MLLT3: variants seen among roughly 807,000 people sequenced by gnomAD.
The protein encoded by MLLT3 is protein AF-9.
In MLLT3, 4 loss-of-function variants were observed where a neutral mutation model predicts 53.2. That is an observed-to-expected ratio of 0.08 (90% CI 0.04 to 0.17). The LOEUF is 0.17. MLLT3 is among the 10% of genes least tolerant of loss of function. The pLI, the probability that MLLT3 is intolerant of heterozygous loss-of-function variation, is 1.00. For synonymous variants in MLLT3, 283 were observed against 230.6 expected, an observed-to-expected ratio of 1.23 and a Z score of -2.06; for missense variants, 569 against 684.0, an observed-to-expected ratio of 0.83 and a Z score of 1.87.
chr9:20,372,483 G>A (rs1224601583), intron 5 of MLLT3, among the ~76,000 whole-genome samples: 2 of 150,854 alleles, frequency 1.3e-5, no homozygotes, highest in Non-Finnish European at 2.9e-5. Flanking sequence ...CTGCAAGTTC[G>A]TTCACGCCAT....
chr9:20,505,098 G>A (rs370255079), intron 2 of MLLT3, among the ~76,000 whole-genome samples: 5 of 152,172 alleles, frequency 3.3e-5, no homozygotes, highest in African/African-American at 1.2e-4. Flanking sequence ...CCAGAACAGG[G>A]GGTGGTTGCT....
intron 5 of MLLT3, among the ~76,000 whole-genome samples, chr9:20,390,910 C>G (rs1431782403): frequency 6.6e-6 from 1 of 152,152 alleles, no homozygotes; most frequent in Non-Finnish European, 1.5e-5. Context: ...TCCAGGAGTT[C>G]AAGACTTGCC....
At chr9:20,444,190 T>A (rs1823630989) in intron 4 of MLLT3, among the ~76,000 whole-genome samples, 1 of 152,184 alleles carries the variant, frequency 6.6e-6, no homozygotes, top group African/African-American at 2.4e-5. Flanking sequence ...GAAAATTATC[T>A]GTCGTGATCA....
chr9:20,429,400 CAT>C (rs1294278103), intron 4 of MLLT3, among the ~76,000 whole-genome samples: 1 of 152,126 alleles, frequency 6.6e-6, no homozygotes. Flanking sequence ...GAAAAGGAAA[CAT>C]ATTTTATTTC....
intron 2 of MLLT3, among the ~76,000 whole-genome samples, chr9:20,496,383 C>T (rs2118930781): frequency 1.3e-5 from 2 of 152,190 alleles, no homozygotes; most frequent in South Asian, 4.2e-4. Flanking sequence ...TTGTAATCAG[C>T]CCTGTTTCTG....
chr9:20,528,265 T>TA (rs1818250753), intron 2 of MLLT3, among the ~76,000 whole-genome samples: 2 of 152,260 alleles, frequency 1.3e-5, no homozygotes, highest in Admixed American at 1.3e-4. Context: ...CACAAATACA[T>TA]AAAGCCATTC....
intron 1 of MLLT3, 180 bp downstream of exon 1, chr9:20,622,065 C>CGGGGGGGGGGG (rs71334542): frequency 1.7e-5 from 1 of 58,848 alleles, no homozygotes; most frequent in African/African-American, 7.6e-5. Context: ...GTGTGCGCGC[C>CGGGGGGGGGGG]GGGGGGGGGT....
At chr9:20,466,707 T>C (rs1292451681) in intron 2 of MLLT3, among the ~76,000 whole-genome samples, 1 of 152,232 alleles carries the variant, frequency 6.6e-6, no homozygotes, top group Admixed American at 6.5e-5. Flanking sequence ...GTATCTCTCA[T>C]GGTCTCTGAA....
At chr9:20,607,030 C>A (rs369528825) in intron 2 of MLLT3, among the ~76,000 whole-genome samples, 1 of 152,236 alleles carries the variant, frequency 6.6e-6, no homozygotes, top group South Asian at 2.1e-4. Flanking sequence ...TATGCTCCCA[C>A]TCCATATGCT....
intron 2 of MLLT3, among the ~76,000 whole-genome samples, chr9:20,543,188 C>T (rs1406972226): frequency 6.6e-6 from 1 of 152,198 alleles, no homozygotes; most frequent in Non-Finnish European, 1.5e-5. Context: ...TTCGACTGTT[C>T]ACTGAAGGAG....
intron 2 of MLLT3, among the ~76,000 whole-genome samples, chr9:20,576,119 T>C (rs1819646226): frequency 6.6e-6 from 1 of 152,228 alleles, no homozygotes; most frequent in Non-Finnish European, 1.5e-5. Context: ...GTTATGAAGA[T>C]GGTTTCTTTC....
intron 4 of MLLT3, among the ~76,000 whole-genome samples, chr9:20,427,105 G>C (rs1215025261): frequency 6.6e-6 from 1 of 151,912 alleles, no homozygotes; most frequent in African/African-American, 2.4e-5. Context: ...AAATATTCCT[G>C]AACACAAAGA....
intron 4 of MLLT3, among the ~76,000 whole-genome samples, chr9:20,441,108 T>G (rs1823538879): frequency 6.6e-6 from 1 of 152,166 alleles, no homozygotes. Flanking sequence ...TTTGCTTAGT[T>G]TATGCAGTAA....
chr9:20,379,368 G>A (rs1821852949), intron 5 of MLLT3, among the ~76,000 whole-genome samples: 1 of 151,890 alleles, frequency 6.6e-6, no homozygotes, highest in Admixed American at 6.6e-5. Flanking sequence ...CAAAACTAAA[G>A]AACACAGAAT....
At chr9:20,350,597 A>AAAAAAAAAC (rs1820997390) in intron 10 of MLLT3, among the ~76,000 whole-genome samples, 1 of 151,382 alleles carries the variant, frequency 6.6e-6, no homozygotes, top group East Asian at 2.0e-4. Flanking sequence ...TCCGTCTCAA[A>AAAAAAAAAC]AAAAGAAAGA....
At chr9:20,566,292 G>A (rs1819376824) in intron 2 of MLLT3, among the ~76,000 whole-genome samples, 1 of 151,266 alleles carries the variant, frequency 6.6e-6, no homozygotes, top group Non-Finnish European at 1.5e-5. Context: ...TACAGAGTGA[G>A]ACTCCATCTC....
At chr9:20,610,564 C>T (rs776990128) in intron 2 of MLLT3, among the ~76,000 whole-genome samples, 13 of 152,040 alleles carry the variant, frequency 8.6e-5, no homozygotes, top group Non-Finnish European at 1.5e-4. Flanking sequence ...AACCCTTTTT[C>T]TGACTTGCAA....
intron 5 of MLLT3, among the ~76,000 whole-genome samples, chr9:20,409,303 C>G (rs2118764412): frequency 6.6e-6 from 1 of 152,152 alleles, no homozygotes; most frequent in African/African-American, 2.4e-5. Context: ...CTGTGAATAC[C>G]AAACTTCTTC....
chr9:20,365,363 G>A (rs368257071), intron 6 of MLLT3, among the ~76,000 whole-genome samples: 8 of 151,416 alleles, frequency 5.3e-5, no homozygotes, highest in African/African-American at 1.9e-4. Flanking sequence ...TTTTTGAGAC[G>A]GAGTCTCACT....
Sources: gnomAD v4.1 joint callset for allele counts (sites outside exome capture counted in the v4.1 genomes callset) on GRCh38, gnomAD v4.1.1 for gene constraint, MANE v1.5 for transcripts, NCBI Gene and HGNC (gene_info 2026-07-23, HGNC 2026-07-21) for gene names.